The following PCDHA6 variants were observed in gnomAD, a reference collection of about 807,000 sequenced individuals.
PCDHA6 encodes the protein protocadherin alpha-6.
Under a neutral mutation model 60.3 loss-of-function variants are expected in PCDHA6, and 55 were observed. The ratio of observed to expected loss-of-function variants is 0.91; its 90% CI spans 0.73 to 1.14. The LOEUF (loss-of-function observed/expected upper bound fraction) is 1.14. Ranked by LOEUF, PCDHA6 falls within the 50% of genes most tolerant of loss-of-function variation. PCDHA6 has a pLI of 0.00. For missense variants in PCDHA6, 1,327 were observed against 1,256.5 expected (o/e 1.06, Z -0.85); for synonymous variants, 652 against 557.9 (o/e 1.17, Z -2.38).
intron 1 of PCDHA6, among the ~76,000 whole-genome samples, chr5:140,958,627 T>C (rs1183042351): frequency 6.6e-6 from 1 of 152,128 alleles, no homozygotes; most frequent in African/African-American, 2.4e-5. Flanking sequence ...AGCTTGAGAG[T>C]ACTGCAGAAA....
At chr5:140,952,960 T>C (rs1195156838) in intron 1 of PCDHA6, among the ~76,000 whole-genome samples, 3 of 151,932 alleles carry the variant, frequency 2.0e-5, no homozygotes, top group Non-Finnish European at 4.4e-5. Flanking sequence ...GGGGAAGTGA[T>C]ACACACTTTT....
intron 1 of PCDHA6, among the ~76,000 whole-genome samples, chr5:140,832,602 G>C (rs1385088779): frequency 1.3e-5 from 2 of 152,158 alleles, no homozygotes; most frequent in African/African-American, 4.8e-5. Context: ...CTATAGCGTT[G>C]CTAGTGAGTA....
intron 1 of PCDHA6, chr5:140,850,253 C>A: frequency 6.3e-7 from 1 of 1,593,758 alleles, no homozygotes; most frequent in South Asian, 1.1e-5. Flanking sequence ...GGTCGGTGGG[C>A]GCCGGCGTAG....
At chr5:140,843,862 A>C in intron 1 of PCDHA6, 1 of 894,130 alleles carries the variant, frequency 1.1e-6, no homozygotes. Flanking sequence ...TAATTAATTG[A>C]ATTTTCTCAG....
At chr5:141,005,701 CAAAAAAAAAAAAAA>C (rs59860837) in intron 3 of PCDHA6, among the ~76,000 whole-genome samples, 79 of 7,792 alleles carry the variant, frequency 0.01, 1 homozygote, top group Admixed American at 0.027. Flanking sequence ...AACTCCGTCT[CAAAAAAAAAAAAAA>C]AAAAAAAAAA....
chr5:140,856,904 C>A, intron 1 of PCDHA6: 2 of 1,596,242 alleles, frequency 1.3e-6, no homozygotes, highest in Non-Finnish European at 1.7e-6. Context: ...TTTGGTCCCA[C>A]CCACGATAAG....
At position 140,948,398 on chromosome 5, in the gene PCDHA6, T is replaced by G. The variant is rs147325819; in HGVS notation, c.2395-30551T>G. 6.9e-3 allele frequency among the ~76,000 whole-genome samples: 1,051 copies of G among 151,748 alleles called. 6 individuals carry two copies. The highest frequency in any genetic ancestry group is 0.017 in the Middle Eastern group (5 of 294). Reference sequence around the variant, plus strand: ...CCTTCCTCTATTTTCTGAAAGGTTGTGTAATATTGGTGTTATTTCTTCCTT... The same window carrying G: ...CCTTCCTCTATTTTCTGAAAGGTTGGGTAATATTGGTGTTATTTCTTCCTT... On this transcript the variant is annotated intron_variant, in intron 1 of 3. Transcript: ENST00000529310.
chr5:140,857,869 G>T (rs782395924), intron 1 of PCDHA6: 3 of 1,597,830 alleles, frequency 1.9e-6, no homozygotes, highest in Admixed American at 1.7e-5. Flanking sequence ...CGTGGCTGTC[G>T]TATGAATTGC....
At chr5:140,832,383 C>T (rs1771959365) in intron 1 of PCDHA6, among the ~76,000 whole-genome samples, 1 of 152,184 alleles carries the variant, frequency 6.6e-6, no homozygotes, top group Non-Finnish European at 1.5e-5. Context: ...CTTGAAATGG[C>T]AGAAACTGGT....
intron 1 of PCDHA6, chr5:140,967,906 C>T (rs529421659): frequency 1.2e-6 from 2 of 1,614,208 alleles, no homozygotes; most frequent in Non-Finnish European, 1.7e-6. Context: ...ATGCTACACC[C>T]AACACCATTG....
intron 1 of PCDHA6, among the ~76,000 whole-genome samples, chr5:140,937,039 C>CT (rs34994034): frequency 0.49 from 69,094 of 140,108 alleles, 17,193 homozygotes; most frequent in East Asian, 0.59. Flanking sequence ...TTCCATTTAT[C>CT]TTTTTTTTTT....
At chr5:140,927,713 A>G in intron 1 of PCDHA6, 1 of 1,614,180 alleles carries the variant, frequency 6.2e-7, no homozygotes, top group Non-Finnish European at 8.5e-7. Flanking sequence ...TCCCTAAGCA[A>G]CAGCACGCAA....
chr5:140,828,223 C>T lies in PCDHA6; in HGVS notation c.132C>T (p.Phe44=), dbSNP rs2150152540. Residue 44 remains phenylalanine, a synonymous_variant, in exon 1 of 4, where the codon TTC becomes TTT. Coordinates refer to ENST00000529310, the MANE Select transcript of PCDHA6 (RefSeq NM_018909.4). ...CCGAGGAGGCCAAACACGGCACCTT[C>T]GTGGGCCGGATCGCGCAGGACCTGG... ...SVPEEAKHGT[F]VGRIAQDLGL... is the part of the protein sequence containing the mutation. 6.2e-7 allele frequency: 1 copy of T among 1,613,996 alleles called. No individual in the cohort carries two copies. Among genetic ancestry groups the T allele is most frequent in the Non-Finnish European group, 8.5e-7 (1 of 1,180,050 alleles).
rs2150158736 is a variant in PCDHA6, at chr5:140,828,768, T to C, written c.677T>C (p.Val226Ala). The C allele has an allele frequency of 6.2e-7, 1 of 1,614,220 alleles. No individual in the cohort carries two copies. Among genetic ancestry groups the C allele is most frequent in the Non-Finnish European group, 8.5e-7 (1 of 1,180,026 alleles). The change falls in exon 1 of 4, where the codon GTT becomes GCT. Residue 226 changes from valine to alanine, a missense_variant. Coordinates refer to ENST00000529310, the MANE Select transcript of PCDHA6 (RefSeq NM_018909.4). ...DGGKPELTGT[V>A]QLLVTVLDVN... The stretch of plus-strand genomic sequence containing the variant: ...GGCAAACCTGAGCTCACAGGCACTG[T>C]TCAGCTGCTGGTCACAGTGCTGGAT...
At chr5:140,834,451 C>T (rs1554134220) in intron 1 of PCDHA6, 2 of 1,594,820 alleles carry the variant, frequency 1.3e-6, no homozygotes, top group Admixed American at 3.4e-5. Flanking sequence ...ATTCTAGCAG[C>T]TTGGGAGGCA....
chr5:140,863,542 C>T, intron 1 of PCDHA6: 3 of 384,090 alleles, frequency 7.8e-6, no homozygotes, highest in South Asian at 6.2e-5. Context: ...TGGAGATGGA[C>T]TTCAATAGGA....
chr5:140,862,677 G>T, intron 1 of PCDHA6: 1 of 550,930 alleles, frequency 1.8e-6, no homozygotes. Context: ...AGGAGAACGT[G>T]CTGGTGTCCT....
At chr5:140,971,586 C>G (rs1290834481) in intron 1 of PCDHA6, among the ~76,000 whole-genome samples, 1 of 152,022 alleles carries the variant, frequency 6.6e-6, no homozygotes, top group Non-Finnish European at 1.5e-5. Context: ...TTTTTCCTAC[C>G]TAGTTACTAC....
chr5:140,967,922 G>T (rs782146005), intron 1 of PCDHA6: 1 of 1,614,198 alleles, frequency 6.2e-7, no homozygotes, highest in South Asian at 1.1e-5. Flanking sequence ...CATTGTGGCC[G>T]TTCTCAGTGT....
Sources: allele counts gnomAD v4.1 joint callset (sites outside exome capture counted in the v4.1 genomes callset), GRCh38; gene constraint gnomAD v4.1.1; transcripts MANE v1.5; gene names NCBI Gene and HGNC (gene_info 2026-07-23, HGNC 2026-07-21).